The following GPLD1 variants were observed in gnomAD, a reference collection of about 807,000 sequenced individuals.
GPLD1 encodes glycosylphosphatidylinositol specific phospholipase D1.
GPLD1 carries 84 observed loss-of-function variants against 112.6 expected under a neutral mutation model. That is an observed-to-expected ratio of 0.75 (90% confidence interval 0.63 to 0.89). The LOEUF is 0.89. GPLD1 is among the 40% of genes least tolerant of loss of function. GPLD1 has a pLI of 0.00. For synonymous variants in GPLD1, 386 were observed against 403.8 expected (o/e 0.96, Z 0.53); for missense variants, 1,044 against 1,051.5 (o/e 0.99, Z 0.10).
chr6:24,440,562 CA>C (rs1371394019), intron 20 of GPLD1, among the ~76,000 whole-genome samples: 71 of 92,442 alleles, frequency 7.7e-4, no homozygotes, highest in Non-Finnish European at 1.3e-3. Context: ...TGATCATTAT[CA>C]AAAGTGTAAA....
At chr6:24,476,151 A>G (rs1561853954) in intron 4 of GPLD1, 30 bp downstream of exon 4, 1 of 1,225,618 alleles carries the variant, frequency 8.2e-7, no homozygotes, top group South Asian at 1.3e-5. Context: ...TTGGTGCTAA[A>G]TATTTTAAGG....
intron 18 of GPLD1, 32 bp from the exon 19 acceptor site, chr6:24,445,863 G>GTCTTGTGCCCT: frequency 6.7e-7 from 1 of 1,486,654 alleles, no homozygotes; most frequent in Non-Finnish European, 9.4e-7. Context: ...TTAGCTGCCA[G>GTCTTGTGCCCT]GGCACAAGAC....
At chr6:24,494,678 G>GA (rs1764643417) in intron 1 of GPLD1, among the ~76,000 whole-genome samples, 1 of 152,184 alleles carries the variant, frequency 6.6e-6, no homozygotes, top group South Asian at 2.1e-4. Context: ...CCCGAAAAGT[G>GA]AAAAGGTGAC....
intron 5 of GPLD1, among the ~76,000 whole-genome samples, chr6:24,474,576 A>G (rs1263453947): frequency 6.6e-6 from 1 of 152,210 alleles, no homozygotes; most frequent in Non-Finnish European, 1.5e-5. Flanking sequence ...CATCACATCT[A>G]TGACTGTTTT....
At chr6:24,480,285 A>C (rs944724137) in intron 2 of GPLD1, among the ~76,000 whole-genome samples, 5 of 151,366 alleles carry the variant, frequency 3.3e-5, no homozygotes, top group Admixed American at 6.6e-5. Context: ...CTGAGGCCTT[A>C]AGGTTGTTTT....
At chr6:24,471,787 A>G (rs1246888476) in intron 7 of GPLD1, among the ~76,000 whole-genome samples, 1 of 152,156 alleles carries the variant, frequency 6.6e-6, no homozygotes, top group Non-Finnish European at 1.5e-5. Flanking sequence ...AGGCGCGATC[A>G]TAGCTCACTG....
At chr6:24,446,595 C>T (rs931811306) in intron 18 of GPLD1, among the ~76,000 whole-genome samples, 2 of 152,192 alleles carry the variant, frequency 1.3e-5, no homozygotes, top group African/African-American at 4.8e-5. Flanking sequence ...GAAACCAACC[C>T]TCTGACCTCA....
intron 24 of GPLD1, among the ~76,000 whole-genome samples, chr6:24,430,549 A>T (rs925971928): frequency 9.9e-5 from 15 of 152,172 alleles, no homozygotes; most frequent in African/African-American, 3.6e-4. Context: ...TCCTGAGCTG[A>T]TGGAAGGCAG....
At chr6:24,443,429 G>A (rs1186327381) in intron 20 of GPLD1, among the ~76,000 whole-genome samples, 1 of 151,956 alleles carries the variant, frequency 6.6e-6, no homozygotes, top group Non-Finnish European at 1.5e-5. Flanking sequence ...GGGCGTGACT[G>A]CCCTCAGCTT....
rs549078119 is a variant in GPLD1, at chr6:24,447,325, A to T, written c.1679-346T>A. On this transcript the variant is annotated intron_variant, in intron 17 of 24. Coordinates refer to ENST00000230036, the MANE Select transcript of GPLD1 (RefSeq NM_001503.4). The stretch of plus-strand genomic sequence containing the variant: ...GTTCAAGACCAGCCTGACCAATATG[A>T]TGAAACCCCGTCTCTACTAAAAATA... 5.4e-5 allele frequency among the ~76,000 whole-genome samples: 8 copies of T among 148,314 alleles called. 1 individual carries two copies. The highest frequency in any genetic ancestry group is 2.7e-4 in the Admixed American group (4 of 14,988).
At chr6:24,442,058 TAC>T (rs922738116) in intron 20 of GPLD1, among the ~76,000 whole-genome samples, 13 of 148,792 alleles carry the variant, frequency 8.7e-5, no homozygotes, top group Non-Finnish European at 1.6e-4. Flanking sequence ...AGTATACTTA[TAC>T]ACACTTTATA....
rs1418776576 is a variant in GPLD1 at position 24,454,208 on chromosome 6, G to T, written c.1149-7C>A. The T allele has an allele frequency of 6.2e-7, 1 of 1,602,818 alleles. No individual in the cohort carries two copies. The highest frequency in any genetic ancestry group is 1.3e-5 in the African/African-American group (1 of 74,810). ...GTCAGCTGAGGTCATTGCCCTTAGGGAAGTGAAGGGACCCACCATGGTATG... is the reference window on the plus strand; with the variant it reads ...GTCAGCTGAGGTCATTGCCCTTAGGTAAGTGAAGGGACCCACCATGGTATG... On this transcript the variant is annotated splice_polypyrimidine_tract_variant and splice_region_variant and intron_variant, in intron 13 of 24. Coordinates refer to ENST00000230036, the MANE Select transcript of GPLD1 (RefSeq NM_001503.4).
intron 14 of GPLD1, among the ~76,000 whole-genome samples, chr6:24,452,773 C>CAAAAAAA (rs57715891): frequency 7.3e-6 from 1 of 136,466 alleles, no homozygotes. Context: ...GAGTTTATCT[C>CAAAAAAA]AAAAAAAAAA....
At chr6:24,433,275 C>G in intron 23 of GPLD1, 38 bp from the exon 24 acceptor site, 1 of 1,596,606 alleles carries the variant, frequency 6.3e-7, no homozygotes, top group Non-Finnish European at 8.6e-7. Context: ...CTTTGAAGAA[C>G]ATAGTGTAAT....
At chr6:24,494,729 C>G (rs912586135) in intron 1 of GPLD1, 1 of 341,392 alleles carries the variant, frequency 2.9e-6, no homozygotes, top group Admixed American at 4.9e-5. Context: ...CTTCTCCATC[C>G]CCGAACCCAA....
chr6:24,451,332 C>T (rs985562708), intron 14 of GPLD1, among the ~76,000 whole-genome samples: 5 of 151,566 alleles, frequency 3.3e-5, no homozygotes, highest in Admixed American at 3.3e-4. Context: ...AATTCTTTCT[C>T]TTTTTTTTGT....
At chr6:24,433,724 A>AC (rs1762482831) in intron 22 of GPLD1, among the ~76,000 whole-genome samples, 1 of 151,400 alleles carries the variant, frequency 6.6e-6, no homozygotes, top group South Asian at 2.1e-4. Flanking sequence ...CGAACTCCTC[A>AC]CCTCAGGTGA....
chr6:24,454,003 A>G lies in GPLD1; in HGVS notation c.1335+12T>C. 6.3e-7 allele frequency: 1 copy of G among 1,575,882 alleles called. No homozygotes were observed. On this transcript the variant is annotated intron_variant, in intron 14 of 24. Coordinates refer to ENST00000230036, the MANE Select transcript of GPLD1 (RefSeq NM_001503.4). ...TAACCACTAGAAGAGAAAGGATGAGATGGTGTCTCACCTGGAAGCCTTCAA... is the reference window on the plus strand; with the variant it reads ...TAACCACTAGAAGAGAAAGGATGAGGTGGTGTCTCACCTGGAAGCCTTCAA...
intron 22 of GPLD1, among the ~76,000 whole-genome samples, chr6:24,434,737 C>T (rs1311062098): frequency 6.7e-6 from 1 of 148,686 alleles, no homozygotes; most frequent in Admixed American, 6.8e-5. Context: ...ACTTGGGAGG[C>T]TGAGGCAGGA....
Sources: gnomAD v4.1 joint callset for allele counts (sites outside exome capture counted in the v4.1 genomes callset) on GRCh38, gnomAD v4.1.1 for gene constraint, MANE v1.5 for transcripts, NCBI Gene and HGNC (gene_info 2026-07-23, HGNC 2026-07-21) for gene names.